The following ZNF682 variants were observed in gnomAD, a reference collection of about 807,000 sequenced individuals.
ZNF682 encodes zinc finger protein 682.
A neutral mutation model predicts 36.5 loss-of-function variants in ZNF682; 29 were observed. The observed-to-expected ratio is 0.80, with a 90% CI of 0.59 to 1.08. The LOEUF (loss-of-function observed/expected upper bound fraction) is 1.08. ZNF682 is among the 50% of genes least tolerant of loss of function. The probability of loss-of-function intolerance (pLI) is 0.00; values close to 1 mark genes in which losing one functional copy is unlikely to be tolerated. For synonymous variants in ZNF682, 180 were observed against 197.0 expected (o/e 0.91, Z 0.72); for missense variants, 561 against 579.7 (o/e 0.97, Z 0.33).
intron 1 of ZNF682, chr19:20,033,299 G>A (rs1369796854): frequency 6.6e-6 from 1 of 152,438 alleles, no homozygotes; most frequent in Non-Finnish European, 1.5e-5. Context: ...AACTGTGGAA[G>A]AGGGATCTAT....
chr19:20,027,074 C>T (rs2088438429), intron 1 of ZNF682, among the ~76,000 whole-genome samples: 1 of 152,200 alleles, frequency 6.6e-6, no homozygotes, highest in Non-Finnish European at 1.5e-5. Flanking sequence ...GACACATTCA[C>T]CTGAGAACCA....
At chr19:20,015,377 A>G in intron 3 of ZNF682, 1 of 984,766 alleles carries the variant, frequency 1.0e-6, no homozygotes, top group Non-Finnish European at 1.2e-6. Context: ...TAAATTGGTA[A>G]TAAACATATG....
At chr19:20,003,495 G>C (rs539228027), downstream of ZNF682, among the ~76,000 whole-genome samples, 3 of 151,878 alleles carry the variant, frequency 2.0e-5, no homozygotes, top group Non-Finnish European at 4.4e-5. Flanking sequence ...ACAAGGTCAG[G>C]AGATCGAGAC....
chr19:20,015,571 T>G (rs4808226), intron 3 of ZNF682: 65,125 of 351,666 alleles, frequency 0.19, 6,677 homozygotes, highest in African/African-American at 0.28. Flanking sequence ...CTATAACCCA[T>G]AAAATTCTGA....
At chr19:20,015,612 C>A (rs2088327904) in intron 3 of ZNF682, 1 of 181,720 alleles carries the variant, frequency 5.5e-6, no homozygotes, top group African/African-American at 2.4e-5. Context: ...ATGAAGAATT[C>A]TTCTAGATAG....
chr19:20,028,556 A>T (rs2122376670), intron 1 of ZNF682, among the ~76,000 whole-genome samples: 1 of 152,272 alleles, frequency 6.6e-6, no homozygotes, highest in Admixed American at 6.5e-5. Context: ...CTTCATTCAC[A>T]GCTAATGCTG....
At chr19:20,011,582 T>C (rs905899958) in intron 3 of ZNF682, among the ~76,000 whole-genome samples, 1 of 152,082 alleles carries the variant, frequency 6.6e-6, no homozygotes, top group Non-Finnish European at 1.5e-5. Context: ...TTCAGAAAAA[T>C]TGAAATCATC....
intron 1 of ZNF682, among the ~76,000 whole-genome samples, chr19:20,031,898 CTT>C (rs2088483152): frequency 6.6e-6 from 1 of 152,098 alleles, no homozygotes; most frequent in Non-Finnish European, 1.5e-5. Flanking sequence ...ATAAAAAGTT[CTT>C]TGTCAAGGAT....
At chr19:20,038,665 G>A (rs952056433) in intron 1 of ZNF682, among the ~76,000 whole-genome samples, 5 of 150,392 alleles carry the variant, frequency 3.3e-5, no homozygotes, top group African/African-American at 1.2e-4. Context: ...TGCTACCTTA[G>A]GGGGAAACAA....
At chr19:20,011,944 G>A (rs1381402756) in intron 3 of ZNF682, among the ~76,000 whole-genome samples, 1 of 152,046 alleles carries the variant, frequency 6.6e-6, no homozygotes, top group Non-Finnish European at 1.5e-5. Context: ...GAGTGAGGCA[G>A]GAGAATCACT....
At chr19:20,018,258 T>TA (rs1210044880) in intron 3 of ZNF682, among the ~76,000 whole-genome samples, 1 of 151,124 alleles carries the variant, frequency 6.6e-6, no homozygotes, top group Non-Finnish European at 1.5e-5. Context: ...TACGCCCGGC[T>TA]AATTTTTTGT....
At chr19:20,001,220 ATTGTT>A (rs969213890), downstream of ZNF682, among the ~76,000 whole-genome samples, 4 of 152,172 alleles carry the variant, frequency 2.6e-5, no homozygotes, top group Non-Finnish European at 4.4e-5. Context: ...TACAGTTTGT[ATTGTT>A]TTAACTCCCC....
intron 1 of ZNF682, among the ~76,000 whole-genome samples, chr19:20,036,626 A>G (rs2122396361): frequency 8.1e-6 from 1 of 123,318 alleles, no homozygotes; most frequent in South Asian, 2.8e-4. Flanking sequence ...AAAAAAAAAA[A>G]AAAGATTTAC....
intron 3 of ZNF682, among the ~76,000 whole-genome samples, chr19:20,014,570 G>C (rs2088318319): frequency 6.7e-6 from 1 of 149,956 alleles, no homozygotes; most frequent in Non-Finnish European, 1.5e-5. Context: ...AGGAGATCCA[G>C]ACCATCCTGG....
intron 1 of ZNF682, among the ~76,000 whole-genome samples, chr19:20,038,535 G>GA (rs1009946123): frequency 2.7e-5 from 4 of 150,156 alleles, no homozygotes; most frequent in African/African-American, 9.8e-5. Context: ...AAATCCAAGA[G>GA]AAAACCACTT....
chr19:19,995,566 G>A (rs147767066), downstream of ZNF682, among the ~76,000 whole-genome samples: 2 of 152,132 alleles, frequency 1.3e-5, no homozygotes, highest in Non-Finnish European at 2.9e-5. Context: ...GAAACAGCGC[G>A]GGATGAATGC....
In ZNF682 at chr19:20,006,397, A is replaced by G; in HGVS notation, c.1105T>C (p.Tyr369His). The G allele has an allele frequency of 6.2e-7, 1 of 1,613,318 alleles. No homozygotes were observed. The change falls in exon 4 of 4, where the codon TAC (tyrosine) becomes CAC (histidine). Residue 369 changes from tyrosine (Y) to histidine (H), a missense_variant. Transcript: ENST00000397165. ...ACTTTGTCACATTTTTCACATTTGT[A>G]GGGTTTCTCTCCGCTATGAATTACC... ...HKVIHSGEKPYKCEKCDKVFK... is the reference protein window; with the variant it reads ...HKVIHSGEKPHKCEKCDKVFK...
chr19:20,013,649 G>C (rs1410991298), intron 3 of ZNF682, among the ~76,000 whole-genome samples: 1 of 152,098 alleles, frequency 6.6e-6, no homozygotes, highest in Non-Finnish European at 1.5e-5. Context: ...GGCGCGATCT[G>C]GGCTCACCAC....
chr19:19,999,518 A>T (rs1318351915), downstream of ZNF682, among the ~76,000 whole-genome samples: 1 of 151,592 alleles, frequency 6.6e-6, no homozygotes, highest in East Asian at 1.9e-4. Context: ...TTATCATTGC[A>T]TGTTTCTTTT....
Sources: gnomAD v4.1 joint callset for allele counts (sites outside exome capture counted in the v4.1 genomes callset) on GRCh38, gnomAD v4.1.1 for gene constraint, MANE v1.5 for transcripts, NCBI Gene and HGNC (gene_info 2026-07-23, HGNC 2026-07-21) for gene names.